Variants in PTPN14 observed in about 807,000 individuals in gnomAD.
PTPN14 encodes protein tyrosine phosphatase non-receptor type 14.
A neutral mutation model predicts 126.8 loss-of-function variants in PTPN14; 53 were observed. The ratio of observed to expected loss-of-function variants is 0.42; its 90% CI spans 0.34 to 0.53. The LOEUF (loss-of-function observed/expected upper bound fraction) is 0.53, where lower values mean the gene tolerates loss of function less well. PTPN14 is among the 20% of genes least tolerant of loss of function. The pLI is 0.08. For synonymous variants in PTPN14, 630 were observed against 599.3 expected (o/e 1.05, Z -0.75); for missense variants, 1,257 against 1,552.9 (o/e 0.81, Z 3.20).
chr1:214,420,581 T>C (rs1214712169), intron 3 of PTPN14, among the ~76,000 whole-genome samples: 3 of 152,262 alleles, frequency 2.0e-5, no homozygotes, highest in Admixed American at 2.0e-4. Flanking sequence ...TGCTTTCTGC[T>C]CTTGAACTCT....
At chr1:214,465,085 A>T in intron 1 of PTPN14, 128 bp from the exon 2 acceptor site, 1 of 400,156 alleles carries the variant, frequency 2.5e-6, no homozygotes, top group East Asian at 4.4e-5. Flanking sequence ...AGGTTTGATA[A>T]GCTGCAAGTT....
At position 214,372,851 on chromosome 1, in the gene PTPN14, G is replaced by A. The variant is rs1658251375; in HGVS notation, c.2908-12C>T. ...CCGCCAACCACCACCTAAAAACCAAGAAAAGTATCGGTAAATAAACCCCAA... is the reference window on the plus strand; with the variant it reads ...CCGCCAACCACCACCTAAAAACCAAAAAAAGTATCGGTAAATAAACCCCAA... On this transcript the variant is annotated splice_polypyrimidine_tract_variant and intron_variant, in intron 15 of 18. Coordinates refer to ENST00000366956, the MANE Select transcript of PTPN14 (RefSeq NM_005401.5). The A allele has an allele frequency of 6.2e-7, 1 of 1,613,458 alleles. No individual in the cohort carries two copies. The highest frequency in any genetic ancestry group is 1.3e-5 in the African/African-American group (1 of 74,916).
At chr1:214,514,703 T>G (rs909077368) in intron 1 of PTPN14, among the ~76,000 whole-genome samples, 1 of 152,122 alleles carries the variant, frequency 6.6e-6, no homozygotes, top group African/African-American at 2.4e-5. Context: ...AACTCCTCCA[T>G]CATCCAAACA....
rs1279598158 is a variant in PTPN14, at chr1:214,483,756, T to A, written c.-154-18799A>T. Among the ~76,000 whole-genome samples, 3 of 152,250 alleles carry A rather than the reference T, an allele frequency of 2.0e-5. No homozygotes were observed. The East Asian group carries it at 5.8e-4, about 29-fold the overall frequency. On this transcript the variant is annotated intron_variant, in intron 1 of 18. Coordinates refer to ENST00000366956, the MANE Select transcript of PTPN14 (RefSeq NM_005401.5). ...CTTACTTTTTCTTTTTAGGTATTAT[T>A]TCTTCACCTTTTAATTATCTCAGTG...
chr1:214,422,787 C>T (rs6540829), intron 3 of PTPN14, among the ~76,000 whole-genome samples: 6,774 of 152,198 alleles, frequency 0.045, 170 homozygotes, highest in African/African-American at 0.05. Context: ...TGTGAATGGG[C>T]ACAAGTTCTT....
At chr1:214,381,539 A>C (rs757297823) in intron 13 of PTPN14, among the ~76,000 whole-genome samples, 4 of 152,062 alleles carry the variant, frequency 2.6e-5, no homozygotes, top group Non-Finnish European at 5.9e-5. Flanking sequence ...TCTTAGCACT[A>C]CTCTAGTGGG....
intron 5 of PTPN14, among the ~76,000 whole-genome samples, chr1:214,407,163 T>C (rs1296694329): frequency 3.3e-5 from 5 of 152,062 alleles, no homozygotes; most frequent in African/African-American, 1.2e-4. Flanking sequence ...ATTTAATGAG[T>C]AGAATTAATA....
rs1437104801 is a variant in PTPN14 at position 214,397,841 on chromosome 1, T to C, written c.758+72A>G. On this transcript the variant is annotated intron_variant, in intron 8 of 18. Coordinates refer to ENST00000366956, the MANE Select transcript of PTPN14 (RefSeq NM_005401.5). The stretch of plus-strand genomic sequence containing the variant: ...CAGTTTGGCTCTTAACTCATTTGGA[T>C]GTTAATGTAACATTAACATTACAGT... 5.5e-6 allele frequency: 7 copies of C among 1,276,740 alleles called. No individual in the cohort carries two copies. The East Asian group carries it at 1.7e-4, about 31-fold the overall frequency. The allele number at this position is 1,276,740 out of a possible 1,614,324, so 79.1% of individuals were successfully genotyped here.
chr1:214,508,929 C>T (rs779866338), intron 1 of PTPN14, among the ~76,000 whole-genome samples: 4 of 152,088 alleles, frequency 2.6e-5, no homozygotes, highest in South Asian at 4.1e-4. Context: ...TTGTTAGAGC[C>T]GTAGGTCTCA....
rs1025998326 is a variant in PTPN14 at position 214,378,081 on chromosome 1, C to T, written c.2566G>A (p.Ala856Thr). The stretch of plus-strand genomic sequence containing the variant: ...GGCCTCTTCTGTGCCTCCAGGCCTG[C>T]CATCTTCTGCTTCTCTAGATTCTTG... The part of the protein sequence containing the change: ...MIRNLEKQKM[A>T]GLEAQKRPLM... Residue 856 changes from alanine to threonine, a missense_variant, in exon 14 of 19, where the codon GCA becomes ACA. Around this residue, in one of 3 missense-constraint regions of PTPN14, gnomAD observed 1,021 missense variants for 1,183.3 expected, o/e 0.86. Coordinates refer to ENST00000366956, the MANE Select transcript of PTPN14 (RefSeq NM_005401.5). 1 of 1,610,090 alleles carries T rather than the reference C, an allele frequency of 6.2e-7. No homozygotes were observed. Among genetic ancestry groups the T allele is most frequent in the Admixed American group, 1.7e-5 (1 of 59,666 alleles).
At chr1:214,392,479 T>C (rs935039446) in intron 10 of PTPN14, among the ~76,000 whole-genome samples, 1 of 152,038 alleles carries the variant, frequency 6.6e-6, no homozygotes, top group African/African-American at 2.4e-5. Flanking sequence ...AAAATCCAGT[T>C]CTCAGTTTTT....
At chr1:214,477,414 C>T (rs1260075554) in intron 1 of PTPN14, among the ~76,000 whole-genome samples, 1 of 152,178 alleles carries the variant, frequency 6.6e-6, no homozygotes, top group Non-Finnish European at 1.5e-5. Context: ...TCTCTGTCCC[C>T]TGCCTTGTAA....
intron 1 of PTPN14, among the ~76,000 whole-genome samples, chr1:214,541,020 A>T (rs952076413): frequency 6.6e-6 from 1 of 152,208 alleles, no homozygotes; most frequent in Non-Finnish European, 1.5e-5. Context: ...ATCAGATGCC[A>T]TAAACCCAAG....
intron 1 of PTPN14, among the ~76,000 whole-genome samples, chr1:214,546,242 C>T (rs940736396): frequency 2.0e-5 from 3 of 152,116 alleles, no homozygotes; most frequent in Non-Finnish European, 2.9e-5. Context: ...ATCCAGAAAC[C>T]GAGGTAGGCA....
chr1:214,549,723 G>A (rs570005201), intron 1 of PTPN14, among the ~76,000 whole-genome samples: 3 of 152,298 alleles, frequency 2.0e-5, no homozygotes, highest in East Asian at 3.9e-4. Flanking sequence ...TAATGAAACC[G>A]AGCATGGGCC....
chr1:214,458,232 G>A (rs1660428917), intron 2 of PTPN14, among the ~76,000 whole-genome samples: 2 of 151,774 alleles, frequency 1.3e-5, no homozygotes, highest in African/African-American at 4.8e-5. Flanking sequence ...TATTTTTTTT[G>A]TAGAGATGGA....
At chr1:214,501,325 C>T (rs1049575663) in intron 1 of PTPN14, among the ~76,000 whole-genome samples, 14 of 152,114 alleles carry the variant, frequency 9.2e-5, no homozygotes, top group East Asian at 1.9e-4. Context: ...GTGCAACCTC[C>T]GCCTCCCAGG....
At chr1:214,522,961 A>G (rs1003218164) in intron 1 of PTPN14, among the ~76,000 whole-genome samples, 2 of 152,224 alleles carry the variant, frequency 1.3e-5, no homozygotes, top group Admixed American at 1.3e-4. Context: ...GGGAAACACT[A>G]AATCGAGATC....
At chr1:214,476,388 C>T (rs995543193) in intron 1 of PTPN14, among the ~76,000 whole-genome samples, 26 of 152,198 alleles carry the variant, frequency 1.7e-4, no homozygotes, top group Admixed American at 9.2e-4. Flanking sequence ...CGGAGAGGTG[C>T]GCCCTGCAGG....
Sources: allele counts gnomAD v4.1 joint callset (sites outside exome capture counted in the v4.1 genomes callset), GRCh38; gene constraint gnomAD v4.1.1; regional missense constraint gnomAD v4.1.1; transcripts MANE v1.5; gene names NCBI Gene and HGNC (gene_info 2026-07-23, HGNC 2026-07-21).